CRYZL1: variants seen among roughly 807,000 people sequenced by gnomAD.
CRYZL1 encodes the protein crystallin zeta like 1.
CRYZL1 carries 34 observed loss-of-function variants against 50.6 expected under a neutral mutation model. The ratio of observed to expected loss-of-function variants is 0.67; its 90% CI spans 0.51 to 0.89. CRYZL1 has a LOEUF of 0.89. Ranked by LOEUF, CRYZL1 falls within the 40% of genes least tolerant of loss-of-function variation. CRYZL1 has a pLI of 0.00. For synonymous variants in CRYZL1, 125 were observed against 134.3 expected (o/e 0.93, Z 0.48); for missense variants, 354 against 402.3 (o/e 0.88, Z 1.03).
chr21:33,609,700 T>C (rs923450434), intron 6 of CRYZL1, among the ~76,000 whole-genome samples: 4 of 151,832 alleles, frequency 2.6e-5, no homozygotes, highest in Non-Finnish European at 4.4e-5. Flanking sequence ...TCTCTTCTCT[T>C]TTCTTTTCTT....
chr21:33,598,441 G>C (rs1330503932), intron 9 of CRYZL1, among the ~76,000 whole-genome samples: 1 of 152,174 alleles, frequency 6.6e-6, no homozygotes, highest in Admixed American at 6.5e-5. Context: ...CTATCCTTTA[G>C]AAGTCATGCT....
At position 33,599,165 on chromosome 21, in the gene CRYZL1, CA is replaced by C. The variant is rs768598739; in HGVS notation, c.660del (p.Ile220MetfsTer3). 6.2e-7 allele frequency: 1 copy of C among 1,614,012 alleles called. No homozygotes were observed. Among genetic ancestry groups the C allele is most frequent in the South Asian group, 1.1e-5 (1 of 91,082 alleles). ...AGGTACCTACCTCCAGCATCTAGGA[CA>C]ATATCTACTCCCAGGCCACCTGTTT... Reference protein sequence around the residue: ...LEETGGLGVDIVLDAGVRLYS... With the variant: ...LEETGGLGVDXVLDAGVRLYS... On this transcript the variant is annotated frameshift_variant, in exon 9 of 13. Coordinates refer to ENST00000381554, the MANE Select transcript of CRYZL1 (RefSeq NM_145858.3). LOFTEE classifies it high-confidence loss of function.
At chr21:33,636,683 A>G (rs912506597) in intron 1 of CRYZL1, among the ~76,000 whole-genome samples, 1 of 152,240 alleles carries the variant, frequency 6.6e-6, no homozygotes, top group Non-Finnish European at 1.5e-5. Flanking sequence ...GTTAATAAAA[A>G]TACTGATCTG....
chr21:33,627,070 T>C (rs1164791313), intron 2 of CRYZL1, among the ~76,000 whole-genome samples: 1 of 152,242 alleles, frequency 6.6e-6, no homozygotes, highest in Non-Finnish European at 1.5e-5. Flanking sequence ...GAGATGTTTC[T>C]TCCCAAGAGC....
At chr21:33,637,760 C>CATATAG (rs1555834478) in intron 1 of CRYZL1, among the ~76,000 whole-genome samples, 4 of 131,738 alleles carry the variant, frequency 3.0e-5, no homozygotes, top group Non-Finnish European at 6.4e-5. Flanking sequence ...AAGAGAAAAA[C>CATATAG]ATATATATAT....
At position 33,636,969 on chromosome 21, in the gene CRYZL1, G is replaced by A. The variant is rs374637504; in HGVS notation, c.-7+4712C>T. Among the ~76,000 whole-genome samples the A allele has an allele frequency of 9.2e-5, 14 of 152,196 alleles. No homozygotes were observed. In the South Asian group the frequency reaches 2.7e-3, roughly 29 times the overall value. On this transcript the variant is annotated intron_variant, in intron 1 of 12. Transcript: ENST00000381554. ...CTACAGGCGCCCGCCACTGCGCCCG[G>A]CTAATTTTTTGTATAAAACTCATCT...
chr21:33,604,169 C>T (rs916987641), intron 6 of CRYZL1, among the ~76,000 whole-genome samples: 2 of 151,788 alleles, frequency 1.3e-5, no homozygotes, highest in Non-Finnish European at 2.9e-5. Context: ...AGATCGAGAC[C>T]ACGGTGAAAC....
intron 5 of CRYZL1, among the ~76,000 whole-genome samples, chr21:33,614,580 C>CT (rs542483764): frequency 7.8e-4 from 118 of 151,668 alleles, no homozygotes; most frequent in Admixed American, 1.6e-3. Flanking sequence ...TGTTTCAATT[C>CT]TTTTTTTTTG....
At chr21:33,607,807 G>A (rs2086828919) in intron 6 of CRYZL1, among the ~76,000 whole-genome samples, 1 of 152,142 alleles carries the variant, frequency 6.6e-6, no homozygotes, top group Non-Finnish European at 1.5e-5. Flanking sequence ...TTTACAAAAG[G>A]TTGGAGCTAC....
chr21:33,605,312 AATG>A (rs903460981), intron 6 of CRYZL1, among the ~76,000 whole-genome samples: 5 of 152,022 alleles, frequency 3.3e-5, no homozygotes, highest in African/African-American at 9.7e-5. Flanking sequence ...GAATCATCAG[AATG>A]ATATTTTAAA....
In CRYZL1 at chr21:33,631,541, A is replaced by C; in HGVS notation, c.11T>G (p.Leu4Ter). Residue 4 changes from leucine (L) to a stop codon, truncating the protein, a stop_gained, in exon 2 of 13, where the codon TTA (leucine) becomes TGA (stop). Coordinates refer to ENST00000381554, the MANE Select transcript of CRYZL1 (RefSeq NM_145858.3). LOFTEE classifies it high-confidence loss of function. The part of the protein sequence containing the change: MKG[L>*]YFQQSSTDEE... ...ATCTGTGGAACTCTGTTGGAAATAT[A>C]AGCCTTTCATAGTCACCTAAAAATA... 1.3e-6 allele frequency: 2 copies of C among 1,510,896 alleles called. No homozygotes were observed. The highest frequency in any genetic ancestry group is 1.8e-6 in the Non-Finnish European group (2 of 1,134,690). 93.6% of individuals were successfully genotyped at this position (1,510,896 alleles called of 1,614,324 possible). A position where few individuals can be genotyped will look rare whatever the true frequency, so the allele number is the denominator to read the frequency against.
chr21:33,599,200 C>T lies in CRYZL1; in HGVS notation c.626G>A (p.Cys209Tyr), dbSNP rs1478731734. 6.2e-7 allele frequency: 1 copy of T among 1,614,052 alleles called. No individual in the cohort carries two copies. The highest frequency in any genetic ancestry group is 8.5e-7 in the Non-Finnish European group (1 of 1,179,948). The change falls in exon 9 of 13, where the codon TGT becomes TAT. Residue 209 changes from cysteine (C) to tyrosine (Y), a missense_variant. Cys to Tyr is a radical substitution (Grantham distance 194). Transcript: ENST00000381554. The part of the protein sequence containing the change: ...SNGKVHVAES[C>Y]LEETGGLGVD... ...TCCCAGGCCACCTGTTTCTTCCAAACAGCTTTCAGCAACATGAACTTTCCC... is the reference window on the plus strand; with the variant it reads ...TCCCAGGCCACCTGTTTCTTCCAAATAGCTTTCAGCAACATGAACTTTCCC...
intron 1 of CRYZL1, among the ~76,000 whole-genome samples, chr21:33,637,782 T>C (rs1568802055): frequency 1.4e-5 from 2 of 146,572 alleles, no homozygotes; most frequent in African/African-American, 5.0e-5. Flanking sequence ...TATATATATA[T>C]ATATATACAC....
At chr21:33,609,614 G>C (rs2086848730) in intron 6 of CRYZL1, among the ~76,000 whole-genome samples, 1 of 149,486 alleles carries the variant, frequency 6.7e-6, no homozygotes, top group Admixed American at 6.7e-5. Flanking sequence ...GCTTGGCCTA[G>C]TACTTTTTTT....
chr21:33,640,905 T>C (rs1276283651), intron 1 of CRYZL1, among the ~76,000 whole-genome samples: 1 of 152,230 alleles, frequency 6.6e-6, no homozygotes, highest in Non-Finnish European at 1.5e-5. Flanking sequence ...AAAATCTCAA[T>C]TTTTAAATAT....
chr21:33,635,502 C>G (rs939746260), intron 1 of CRYZL1, among the ~76,000 whole-genome samples: 2 of 151,416 alleles, frequency 1.3e-5, no homozygotes, highest in African/African-American at 4.8e-5. Flanking sequence ...AGGCGCCCAC[C>G]ACCACACCTG....
chr21:33,636,769 C>T (rs1332025817), intron 1 of CRYZL1, among the ~76,000 whole-genome samples: 1 of 152,084 alleles, frequency 6.6e-6, no homozygotes, highest in African/African-American at 2.4e-5. Flanking sequence ...ACATGAACTC[C>T]ACTTGCTCCT....
At chr21:33,625,268 G>T (rs2087048078) in intron 2 of CRYZL1, among the ~76,000 whole-genome samples, 1 of 151,354 alleles carries the variant, frequency 6.6e-6, no homozygotes, top group Non-Finnish European at 1.5e-5. Flanking sequence ...CCATTCTCCT[G>T]CCTCAGCCTC....
At chr21:33,591,000 C>A (rs1167236099) in intron 12 of CRYZL1, among the ~76,000 whole-genome samples, 162 bp downstream of exon 12, 1 of 152,164 alleles carries the variant, frequency 6.6e-6, no homozygotes, top group Non-Finnish European at 1.5e-5. Context: ...TTTGCCATTA[C>A]TTTCAATGGC....
Sources: gnomAD v4.1 joint callset for allele counts (sites outside exome capture counted in the v4.1 genomes callset) on GRCh38, gnomAD v4.1.1 for gene constraint, MANE v1.5 for transcripts, NCBI Gene and HGNC (gene_info 2026-07-23, HGNC 2026-07-21) for gene names.